BSN: variants seen among roughly 807,000 people sequenced by gnomAD.
BSN encodes the protein protein bassoon.
In BSN, 57 loss-of-function variants were observed where a neutral mutation model predicts 264.8. The observed-to-expected ratio is 0.22, with a 90% confidence interval of 0.17 to 0.27. BSN has a LOEUF of 0.27. Among genes scored for constraint, BSN ranks in the 10% least tolerant of loss-of-function variants. The pLI, the probability that BSN is intolerant of heterozygous loss-of-function variation, is 1.00. For missense variants in BSN, 4,615 were observed against 5,232.5 expected, an observed-to-expected ratio of 0.88 and a Z score of 3.64; for synonymous variants, 2,059 against 2,137.3, an observed-to-expected ratio of 0.96 and a Z score of 1.01.
At chr3:49,644,938 C>G (rs998393282) in intron 3 of BSN, among the ~76,000 whole-genome samples, 1 of 152,250 alleles carries the variant, frequency 6.6e-6, no homozygotes, top group South Asian at 2.1e-4. Context: ...TTCGTTCACA[C>G]GCTGACTAGA....
Position 49,625,064 on chromosome 3 carries a change from G to T in BSN, c.314G>T (p.Gly105Val). ...TPKQASATTP[G>V]HESPRETRAQ... ...AAGCAGGCTTCTGCTACCACTCCTG[G>T]CCATGAGAGCCCCCGAGAGACAAGG... The change falls in exon 2 of 12, where the codon GGC (glycine) becomes GTC (valine). Residue 105 changes from glycine (G) to valine (V), a missense_variant. Gly to Val is a moderately radical substitution (Grantham distance 109). This residue lies in a region of BSN where 1,197 missense variants were observed against 1,348.0 expected (regional missense o/e 0.89). Transcript: ENST00000296452. This position sits in a 1 kb window ranked among gnomAD's most constrained non-coding sequence, Gnocchi z 4.4. 6.2e-7 allele frequency: 1 copy of T among 1,606,022 alleles called. No homozygotes were observed. The highest frequency in any genetic ancestry group is 8.5e-7 in the Non-Finnish European group (1 of 1,176,664).
rs747077353 is a variant in BSN at position 49,654,683 on chromosome 3, C to G, written c.5127C>G (p.Thr1709=). 1 of 1,613,718 alleles carries G rather than the reference C, an allele frequency of 6.2e-7. No individual in the cohort carries two copies. The highest frequency in any genetic ancestry group is 1.7e-5 in the Admixed American group (1 of 60,032). Residue 1709 remains threonine (T), a synonymous_variant, in exon 5 of 12, where the codon ACC becomes ACG. Transcript: ENST00000296452. This position sits in a 1 kb window ranked among gnomAD's most constrained non-coding sequence, Gnocchi z 4.1. ...ATCCAATCCCAGGACGGCAGTCGAC[C>G]GCCGTGCAGCCCTTGGTTATCAACC... is the stretch of plus-strand genomic sequence containing the variant. The part of the protein sequence containing the change: ...ALDPIPGRQS[T]AVQPLVINLN...
intron 2 of BSN, chr3:49,640,591 T>G (rs1175210625): frequency 1.3e-5 from 2 of 152,194 alleles, no homozygotes; most frequent in Non-Finnish European, 2.9e-5. Context: ...CTCCGCCTCC[T>G]GGGTTCAAGC....
chr3:49,574,013 A>G (rs1351801519), intron 1 of BSN, among the ~76,000 whole-genome samples: 1 of 152,088 alleles, frequency 6.6e-6, no homozygotes, highest in African/African-American at 2.4e-5. Context: ...GCAGTGGTGC[A>G]GTCACAGCCC....
chr3:49,606,215 A>ATATTATATATACATATATTATATATG lies in BSN; in HGVS notation c.225-18756_225-18731dup, dbSNP rs1559603581. 8.5e-4 allele frequency among the ~76,000 whole-genome samples: 52 copies of ATATTATATATACATATATTATATATG among 60,928 alleles called. 3 individuals are homozygous for ATATTATATATACATATATTATATATG. The highest frequency in any genetic ancestry group is 1.1e-3 in the Non-Finnish European group (34 of 32,192). The allele number at this position is 60,928 out of a possible 152,430, so 40.0% of individuals were successfully genotyped here. The stretch of plus-strand genomic sequence containing the variant: ...ATATATACATATATTATATATGTAT[A>ATATTATATATACATATATTATATATG]TATTATATATACATATATTATATAT... On this transcript the variant is annotated intron_variant, in intron 1 of 11. Transcript: ENST00000296452.
intron 1 of BSN, among the ~76,000 whole-genome samples, chr3:49,616,457 C>T (rs1460540421): frequency 6.6e-6 from 1 of 152,240 alleles, no homozygotes; most frequent in Non-Finnish European, 1.5e-5. Context: ...TCTTTTGAAG[C>T]TGTGGGGCTC....
chr3:49,628,543 T>A (rs6803222), intron 2 of BSN, among the ~76,000 whole-genome samples: 1 of 152,016 alleles, frequency 6.6e-6, no homozygotes. Context: ...CCTAGGCTGC[T>A]GGAGGTCTAC....
chr3:49,619,650 G>A (rs2052288853), intron 1 of BSN, among the ~76,000 whole-genome samples: 1 of 152,142 alleles, frequency 6.6e-6, no homozygotes. Flanking sequence ...GTGAGGGCTC[G>A]GTCAGCATTA....
intron 1 of BSN, among the ~76,000 whole-genome samples, chr3:49,613,303 C>CAAGAGAGA (rs2052223343): frequency 1.1e-4 from 5 of 47,328 alleles, no homozygotes; most frequent in Non-Finnish European, 2.0e-4. Flanking sequence ...ACACACAGAG[C>CAAGAGAGA]GAGAGAGAGA....
At chr3:49,596,409 C>CA (rs2108028612) in intron 1 of BSN, among the ~76,000 whole-genome samples, 1 of 151,882 alleles carries the variant, frequency 6.6e-6, no homozygotes, top group East Asian at 1.9e-4. Flanking sequence ...GTCTCAAAAA[C>CA]AAAAAAAGTA....
rs764195204 is a variant in BSN at position 49,663,634 on chromosome 3, A to G, written c.11476A>G (p.Ser3826Gly). The G allele has an allele frequency of 1.9e-6, 3 of 1,608,612 alleles. No individual in the cohort carries two copies. In the East Asian group the frequency reaches 6.7e-5, roughly 36 times the overall value. The change falls in exon 7 of 12, where the codon AGC becomes GGC. Residue 3826 changes from serine to glycine, a missense_variant. By Grantham distance (56) the Ser-to-Gly change is moderately conservative. Around this residue, in one of 3 missense-constraint regions of BSN, gnomAD observed 3,415 missense variants for 3,866.4 expected, o/e 0.88. Coordinates refer to ENST00000296452, the MANE Select transcript of BSN (RefSeq NM_003458.4). ...TGCAGGGAAGCCTCAGCCAGGCCCC[A>G]GCACAGCCACAGGTCCTCAACCAGC... ...QPAGKPQPGP[S>G]TATGPQPAGP...
At position 49,651,885 on chromosome 3, in the gene BSN, C is replaced by T. The variant is rs1164009748; in HGVS notation, c.2329C>T (p.Leu777=). The T allele has an allele frequency of 6.2e-7, 1 of 1,613,898 alleles. No individual in the cohort carries two copies. Among genetic ancestry groups the T allele is most frequent in the African/African-American group, 1.3e-5 (1 of 74,942 alleles). ...TGAGGCCTTTGACTCTGATGAGGAG[C>T]TGGAGGATATCCTGGAGGAAGACGA... ...TPEAFDSDEE[L]EDILEEDEDS... The change falls in exon 5 of 12, where the codon CTG becomes TTG. Residue 777 remains leucine, a synonymous_variant. Transcript: ENST00000296452. The surrounding 1 kb of genome is among the most constrained non-coding windows in gnomAD (Gnocchi z 5.4).
chr3:49,636,788 C>G (rs1418239516), intron 2 of BSN, among the ~76,000 whole-genome samples: 3 of 152,220 alleles, frequency 2.0e-5, no homozygotes, highest in Non-Finnish European at 4.4e-5. Context: ...CTGAGGTCAG[C>G]TAGCTGACAG....
chr3:49,663,813 T>C lies in BSN; in HGVS notation c.11535T>C (p.Ser3845=), dbSNP rs747322551. ...CACGGGCAGAACAGACAAATGGCTCTAAAGGGACAGCCAAAGCACCGCAAC... is the reference window on the plus strand; with the variant it reads ...CACGGGCAGAACAGACAAATGGCTCCAAAGGGACAGCCAAAGCACCGCAAC... The part of the protein sequence containing the change: ...GPPRAEQTNG[S]KGTAKAPQQG... Residue 3845 remains serine (S), a synonymous_variant, in exon 8 of 12, where the codon TCT becomes TCC. Transcript: ENST00000296452. The C allele has an allele frequency of 4.3e-6, 7 of 1,614,134 alleles. No homozygotes were observed. The highest frequency in any genetic ancestry group is 5.9e-6 in the Non-Finnish European group (7 of 1,180,032).
chr3:49,557,192 C>T (rs1321580015), intron 1 of BSN, among the ~76,000 whole-genome samples: 1 of 152,144 alleles, frequency 6.6e-6, no homozygotes, highest in African/African-American at 2.4e-5. Flanking sequence ...GAAGGGCTCT[C>T]TGCTTCTGGT....
intron 2 of BSN, among the ~76,000 whole-genome samples, chr3:49,628,164 A>G (rs948963085): frequency 1.3e-5 from 2 of 152,192 alleles, no homozygotes; most frequent in Non-Finnish European, 2.9e-5. Context: ...TTGAAATGTG[A>G]CCGCAGAAAA....
At chr3:49,635,812 C>CA (rs1240245530) in intron 2 of BSN, among the ~76,000 whole-genome samples, 4 of 151,304 alleles carry the variant, frequency 2.6e-5, no homozygotes, top group East Asian at 1.9e-4. Flanking sequence ...CTGTCTCTAC[C>CA]AAAAAAAATA....
rs1049647767 is a variant in BSN, at chr3:49,653,382, C to A, written c.3826C>A (p.Arg1276=). 3 of 1,613,630 alleles carry A rather than the reference C, an allele frequency of 1.9e-6. No homozygotes were observed. The highest frequency in any genetic ancestry group is 2.2e-5 in the East Asian group (1 of 44,880). The part of the protein sequence containing the change: ...SIVRMRQASS[R]DLAFAEDKKK... Reference sequence around the variant, plus strand: ...AGTCCGCATGCGGCAGGCCTCCTCACGAGACCTGGCTTTTGCTGAGGACAA... The same window carrying A: ...AGTCCGCATGCGGCAGGCCTCCTCAAGAGACCTGGCTTTTGCTGAGGACAA... The change falls in exon 5 of 12, where the codon CGA becomes AGA. Residue 1276 remains arginine, a synonymous_variant. Coordinates refer to ENST00000296452, the MANE Select transcript of BSN (RefSeq NM_003458.4). The surrounding 1 kb of genome is among the most constrained non-coding windows in gnomAD (Gnocchi z 6.3).
chr3:49,595,098 C>T (rs1193613795), intron 1 of BSN, among the ~76,000 whole-genome samples: 1 of 152,084 alleles, frequency 6.6e-6, no homozygotes, highest in Non-Finnish European at 1.5e-5. Context: ...ACCATGTTGG[C>T]CAGGATGGTC....
Sources: gnomAD v4.1 joint callset for allele counts (sites outside exome capture counted in the v4.1 genomes callset) on GRCh38, gnomAD v4.1.1 for gene constraint, gnomAD v4.1.1 regional missense constraint, Gnocchi (gnomAD v3.1) non-coding constraint, MANE v1.5 for transcripts, NCBI Gene and HGNC (gene_info 2026-07-23, HGNC 2026-07-21) for gene names.